The following TMEM178B variants were observed in gnomAD, a reference collection of about 807,000 sequenced individuals.
The protein encoded by TMEM178B is transmembrane protein 178B.
Under a neutral mutation model 31.0 loss-of-function variants are expected in TMEM178B, and 5 were observed. That is an observed-to-expected ratio of 0.16 (90% CI 0.08 to 0.34). The LOEUF (loss-of-function observed/expected upper bound fraction) is 0.34. Among genes scored for constraint, TMEM178B ranks in the 10% least tolerant of loss-of-function variants. The pLI, the probability that TMEM178B is intolerant of heterozygous loss-of-function variation, is 1.00. For missense variants in TMEM178B, 275 were observed against 400.3 expected (o/e 0.69, Z 2.67); for synonymous variants, 164 against 164.0 (o/e 1.00, Z 0.00).
At chr7:141,230,993 G>C (rs1797433294) in intron 2 of TMEM178B, among the ~76,000 whole-genome samples, 1 of 152,032 alleles carries the variant, frequency 6.6e-6, no homozygotes, top group Admixed American at 6.5e-5. Flanking sequence ...TCTGTTGCAG[G>C]GCTAAAGAAA....
At chr7:141,285,002 T>C (rs1379986164) in intron 2 of TMEM178B, among the ~76,000 whole-genome samples, 1 of 151,828 alleles carries the variant, frequency 6.6e-6, no homozygotes, top group Non-Finnish European at 1.5e-5. Context: ...GTGGAGCTGG[T>C]TGTGAGATAA....
chr7:141,210,532 G>T (rs1797037610), intron 1 of TMEM178B, among the ~76,000 whole-genome samples: 1 of 152,084 alleles, frequency 6.6e-6, no homozygotes, highest in Non-Finnish European at 1.5e-5. Context: ...GCTGTAGAAT[G>T]GATTAAATGA....
chr7:141,439,453 T>C (rs1280984217), intron 3 of TMEM178B, among the ~76,000 whole-genome samples: 1 of 152,034 alleles, frequency 6.6e-6, no homozygotes, highest in Non-Finnish European at 1.5e-5. Flanking sequence ...GCTTCCCTGC[T>C]CTGTGCCTCA....
At chr7:141,307,146 G>A (rs1289531781) in intron 2 of TMEM178B, among the ~76,000 whole-genome samples, 1 of 145,040 alleles carries the variant, frequency 6.9e-6, no homozygotes, top group Non-Finnish European at 1.5e-5. Flanking sequence ...CTAAATCATA[G>A]AAATTGGGGA....
intron 3 of TMEM178B, among the ~76,000 whole-genome samples, chr7:141,451,481 A>G (rs963452676): frequency 3.3e-5 from 5 of 152,156 alleles, no homozygotes; most frequent in African/African-American, 1.2e-4. Context: ...TGGAATTCAG[A>G]CTCAAATCTA....
intron 2 of TMEM178B, among the ~76,000 whole-genome samples, chr7:141,346,023 C>T (rs1304510048): frequency 1.3e-5 from 2 of 152,030 alleles, no homozygotes; most frequent in Admixed American, 1.3e-4. Context: ...CACGAGAGAC[C>T]ATCCTGGCTA....
In TMEM178B at chr7:141,476,827, C is replaced by G. The variant is rs1297861830; in HGVS notation, c.*6041C>G. The G allele has an allele frequency of 6.5e-6, 1 of 154,812 alleles. No individual in the cohort carries two copies. Among genetic ancestry groups the G allele is most frequent in the African/African-American group, 2.4e-5 (1 of 41,536 alleles). The allele number at this position is 154,812 out of a possible 1,614,324, so 9.6% of individuals were successfully genotyped here. A position where few individuals can be genotyped will look rare whatever the true frequency, so the allele number is the denominator to read the frequency against. On this transcript the variant is annotated 3_prime_UTR_variant, in exon 4 of 4. Transcript: ENST00000565468. The stretch of plus-strand genomic sequence containing the variant: ...CTTCAAGGGAAGGGAAGCCATTGCT[C>G]TCTCTGTAGATAGAGCCCAGCTGGT...
At chr7:141,248,982 C>T (rs552062661) in intron 2 of TMEM178B, among the ~76,000 whole-genome samples, 80 of 152,330 alleles carry the variant, frequency 5.3e-4, no homozygotes, top group Middle Eastern at 3.4e-3. Flanking sequence ...TGGGTCTCTC[C>T]TATTGTGACT....
intron 2 of TMEM178B, among the ~76,000 whole-genome samples, chr7:141,369,331 G>A (rs1800068793): frequency 1.3e-5 from 2 of 150,258 alleles, no homozygotes; most frequent in African/African-American, 2.4e-5. Context: ...GTGTGTGTGT[G>A]TGTGTGTGTG....
intron 1 of TMEM178B, among the ~76,000 whole-genome samples, chr7:141,147,714 A>G (rs1795877686): frequency 6.6e-6 from 1 of 152,224 alleles, no homozygotes; most frequent in South Asian, 2.1e-4. Context: ...CAGCTGAGAC[A>G]GAGAACACAG....
At chr7:141,495,717 T>A in the TMEM178B span, among the ~76,000 whole-genome samples, 2 of 152,194 alleles carry the variant, frequency 1.3e-5, no homozygotes, top group Non-Finnish European at 2.9e-5. Context: ...GGTCATATAG[T>A]GGAATACCAT....
intron 1 of TMEM178B, among the ~76,000 whole-genome samples, chr7:141,098,503 G>C (rs1795001291): frequency 6.6e-6 from 1 of 152,210 alleles, no homozygotes; most frequent in Non-Finnish European, 1.5e-5. Context: ...AGTGAAGAGT[G>C]TAGACCCTGA....
chr7:141,279,257 C>A (rs1798315201), intron 2 of TMEM178B, among the ~76,000 whole-genome samples: 1 of 152,138 alleles, frequency 6.6e-6, no homozygotes, highest in Admixed American at 6.5e-5. Context: ...CAGGAGACGG[C>A]AACATAGTAA....
intron 2 of TMEM178B, among the ~76,000 whole-genome samples, chr7:141,420,906 G>A (rs1456669604): frequency 1.3e-5 from 2 of 152,144 alleles, no homozygotes; most frequent in Admixed American, 1.3e-4. Context: ...CAACTACTGG[G>A]GCAGAGTCAT....
At chr7:141,264,687 A>T (rs995539854) in intron 2 of TMEM178B, among the ~76,000 whole-genome samples, 1 of 152,234 alleles carries the variant, frequency 6.6e-6, no homozygotes, top group Non-Finnish European at 1.5e-5. Context: ...AAGGATAAAT[A>T]TATCTTAACC....
intron 2 of TMEM178B, among the ~76,000 whole-genome samples, chr7:141,215,279 T>C (rs1188946654): frequency 6.6e-6 from 1 of 151,972 alleles, no homozygotes; most frequent in African/African-American, 2.4e-5. Context: ...TTAAGTGGAA[T>C]CAAGTTAATT....
chr7:141,469,500 A>G (rs1193918873), intron 3 of TMEM178B, among the ~76,000 whole-genome samples: 1 of 152,186 alleles, frequency 6.6e-6, no homozygotes, highest in Non-Finnish European at 1.5e-5. Context: ...TTAATAATAA[A>G]TATAAAATTG....
At chr7:141,077,366 G>A (rs1794616364) in intron 1 of TMEM178B, among the ~76,000 whole-genome samples, 1 of 152,180 alleles carries the variant, frequency 6.6e-6, no homozygotes, top group African/African-American at 2.4e-5. Flanking sequence ...GAAAATTAGA[G>A]ACTTATCTAA....
chr7:141,168,932 C>T lies in TMEM178B; in HGVS notation c.383-43659C>T, dbSNP rs74345093. 6.8e-4 allele frequency among the ~76,000 whole-genome samples: 103 copies of T among 152,226 alleles called. 1 individual carries two copies. In the East Asian group the frequency reaches 0.019, roughly 28 times the overall value. On this transcript the variant is annotated intron_variant, in intron 1 of 3. Coordinates refer to ENST00000565468, the MANE Select transcript of TMEM178B (RefSeq NM_001195278.2). ...ACAATGTGTAATGATCAAATCAGAG[C>T]AATTGGGATACCCATTACCTCAAAC... is the stretch of plus-strand genomic sequence containing the variant.
Sources: gnomAD v4.1 joint callset for allele counts (sites outside exome capture counted in the v4.1 genomes callset) on GRCh38, gnomAD v4.1.1 for gene constraint, MANE v1.5 for transcripts, NCBI Gene and HGNC (gene_info 2026-07-23, HGNC 2026-07-21) for gene names.